RABGAP1L: variants seen among roughly 807,000 people sequenced by gnomAD.
RABGAP1L encodes the protein rab GTPase-activating protein 1-like.
In RABGAP1L, 63 loss-of-function variants were observed where a neutral mutation model predicts 137.7. That is an observed-to-expected ratio of 0.46 (90% CI 0.37 to 0.56). The LOEUF (loss-of-function observed/expected upper bound fraction) is 0.56, where lower values mean the gene tolerates loss of function less well. RABGAP1L is among the 20% of genes least tolerant of loss of function. The probability of loss-of-function intolerance (pLI) is 0.00; values close to 1 mark genes in which losing one functional copy is unlikely to be tolerated. For synonymous variants in RABGAP1L, 431 were observed against 433.7 expected (o/e 0.99, Z 0.08); for missense variants, 1,095 against 1,244.0 (o/e 0.88, Z 1.80).
At chr1:174,378,622 T>A (rs1685802989) in intron 12 of RABGAP1L, among the ~76,000 whole-genome samples, 1 of 152,168 alleles carries the variant, frequency 6.6e-6, no homozygotes, top group East Asian at 1.9e-4. Context: ...CGCCCACTTT[T>A]TGATGGGATT....
chr1:174,868,239 A>G (rs909008829), intron 19 of RABGAP1L, among the ~76,000 whole-genome samples: 1 of 152,180 alleles, frequency 6.6e-6, no homozygotes, highest in African/African-American at 2.4e-5. Flanking sequence ...GATTACAGGC[A>G]TGATTTCCAT....
At chr1:174,964,509 T>C (rs935798832) in intron 20 of RABGAP1L, among the ~76,000 whole-genome samples, 14 of 152,232 alleles carry the variant, frequency 9.2e-5, no homozygotes, top group Non-Finnish European at 1.9e-4. Flanking sequence ...GATCCATTTT[T>C]CTTTTGCATT....
At chr1:174,492,103 G>C (rs367736502) in intron 13 of RABGAP1L, among the ~76,000 whole-genome samples, 16 of 151,216 alleles carry the variant, frequency 1.1e-4, no homozygotes, top group African/African-American at 3.9e-4. Flanking sequence ...TAATAAATTT[G>C]GTATTCCTCT....
intron 13 of RABGAP1L, among the ~76,000 whole-genome samples, chr1:174,526,341 TA>T (rs1352479419): frequency 6.6e-6 from 1 of 152,176 alleles, no homozygotes; most frequent in Non-Finnish European, 1.5e-5. Flanking sequence ...GGTATCATGG[TA>T]ATGCTGGATT....
At chr1:174,515,406 T>G (rs1291930582) in intron 13 of RABGAP1L, among the ~76,000 whole-genome samples, 1 of 152,186 alleles carries the variant, frequency 6.6e-6, no homozygotes, top group African/African-American at 2.4e-5. Flanking sequence ...CACTGAAGTA[T>G]AATTTATTCA....
intron 13 of RABGAP1L, among the ~76,000 whole-genome samples, chr1:174,503,004 T>G (rs187097624): frequency 6.6e-6 from 1 of 152,250 alleles, no homozygotes. Flanking sequence ...GTGTGTTCAT[T>G]CATGTGCTTG....
At position 174,159,727 on chromosome 1, in the gene RABGAP1L, C is replaced by T. The variant is rs184185440; in HGVS notation, c.-34+70C>T. On this transcript the variant is annotated intron_variant, in intron 1 of 25. Transcript: ENST00000681986. Reference sequence around the variant, plus strand: ...GCCCGGATCCGCGGGCCGAGGCTGCCTGGGTGTGTTGGCGTCGGGCTGAGC... The same window carrying T: ...GCCCGGATCCGCGGGCCGAGGCTGCTTGGGTGTGTTGGCGTCGGGCTGAGC... The T allele has an allele frequency of 5.9e-5, 9 of 152,722 alleles. No homozygotes were observed. In the East Asian group the frequency reaches 1.2e-3, roughly 20 times the overall value. 9.5% of individuals were successfully genotyped at this position (152,722 alleles called of 1,614,324 possible).
chr1:174,326,113 T>C (rs535210963), intron 11 of RABGAP1L, among the ~76,000 whole-genome samples: 1 of 152,296 alleles, frequency 6.6e-6, no homozygotes, highest in South Asian at 2.1e-4. Context: ...CTACAAAGAC[T>C]AGAATAAATA....
chr1:174,454,727 T>G (rs1045474661), intron 13 of RABGAP1L, among the ~76,000 whole-genome samples: 13 of 151,834 alleles, frequency 8.6e-5, no homozygotes, highest in Non-Finnish European at 1.8e-4. Flanking sequence ...TTTTTTGTGT[T>G]TTTAGTAGAG....
chr1:174,720,641 G>C (rs1681449188), intron 17 of RABGAP1L, among the ~76,000 whole-genome samples: 2 of 152,036 alleles, frequency 1.3e-5, no homozygotes, highest in Admixed American at 6.6e-5. Flanking sequence ...ACTTATAAAA[G>C]AATGAAGTTG....
intron 13 of RABGAP1L, among the ~76,000 whole-genome samples, chr1:174,486,153 T>C (rs566853613): frequency 1.3e-5 from 2 of 152,096 alleles, no homozygotes; most frequent in South Asian, 4.1e-4. Flanking sequence ...TGTTGATCCC[T>C]TGAACATCTA....
At chr1:174,526,159 A>G (rs924265011) in intron 13 of RABGAP1L, among the ~76,000 whole-genome samples, 10 of 152,122 alleles carry the variant, frequency 6.6e-5, no homozygotes, top group East Asian at 1.9e-4. Context: ...AGTTTCTTGC[A>G]TATTCTGGGT....
chr1:174,625,977 C>A (rs978444300), intron 13 of RABGAP1L, among the ~76,000 whole-genome samples: 1 of 152,106 alleles, frequency 6.6e-6, no homozygotes, highest in Non-Finnish European at 1.5e-5. Context: ...ATAAAAATCA[C>A]AATTTTAAAG....
intron 17 of RABGAP1L, among the ~76,000 whole-genome samples, chr1:174,724,248 A>G (rs554324718): frequency 2.0e-5 from 3 of 152,348 alleles, no homozygotes; most frequent in Non-Finnish European, 2.9e-5. Flanking sequence ...AAAAGAATTC[A>G]TAGAATACAT....
intron 13 of RABGAP1L, among the ~76,000 whole-genome samples, chr1:174,437,623 G>C (rs931024982): frequency 1.3e-5 from 2 of 152,182 alleles, no homozygotes; most frequent in African/African-American, 4.8e-5. Flanking sequence ...GGGGAGAATG[G>C]AACCAAGTTG....
At chr1:174,208,271 T>G (rs1352865060) in intron 1 of RABGAP1L, among the ~76,000 whole-genome samples, 1 of 152,120 alleles carries the variant, frequency 6.6e-6, no homozygotes, top group African/African-American at 2.4e-5. Flanking sequence ...AGGGTTTTTT[T>G]TTTCTCTTTT....
chr1:174,517,453 G>C (rs1157734055), intron 13 of RABGAP1L, among the ~76,000 whole-genome samples: 1 of 152,120 alleles, frequency 6.6e-6, no homozygotes, highest in Non-Finnish European at 1.5e-5. Context: ...AAACATTATA[G>C]ATCTGGAGTG....
intron 13 of RABGAP1L, among the ~76,000 whole-genome samples, chr1:174,525,438 C>T (rs991132083): frequency 1.3e-5 from 2 of 151,802 alleles, no homozygotes; most frequent in African/African-American, 4.8e-5. Flanking sequence ...GCTTTTTTGG[C>T]TATTTCATTA....
rs74263820 is a variant in RABGAP1L at position 174,227,852 on chromosome 1, G to GTTT, written c.332-3281_332-3279dup. Among the ~76,000 whole-genome samples, 56 of 132,854 alleles carry GTTT rather than the reference G, an allele frequency of 4.2e-4. 1 individual carries two copies. The highest frequency in any genetic ancestry group is 1.4e-3 in the African/African-American group (53 of 37,264). 87.2% of individuals were successfully genotyped at this position (132,854 alleles called of 152,430 possible). A position where few individuals can be genotyped will look rare whatever the true frequency, so the allele number is the denominator to read the frequency against. On this transcript the variant is annotated intron_variant, in intron 3 of 25. Coordinates refer to ENST00000681986, the MANE Select transcript of RABGAP1L (RefSeq NM_001366446.1). The stretch of plus-strand genomic sequence containing the variant: ...GTTAGAAGTTCTACAAAATACTGTG[G>GTTT]TTTTTTTTTTTTTTGCTTTAGTCTG...
Sources: allele counts gnomAD v4.1 joint callset (sites outside exome capture counted in the v4.1 genomes callset), GRCh38; gene constraint gnomAD v4.1.1; transcripts MANE v1.5; gene names NCBI Gene and HGNC (gene_info 2026-07-23, HGNC 2026-07-21).